The following SORCS2 variants were observed in gnomAD, a reference collection of about 807,000 sequenced individuals.
The protein encoded by SORCS2 is sortilin related VPS10 domain containing receptor 2.
SORCS2 carries 100 observed loss-of-function variants against 141.6 expected under a neutral mutation model. That is an observed-to-expected ratio of 0.71 (90% CI 0.60 to 0.83). SORCS2 has a LOEUF of 0.83. Ranked by LOEUF, SORCS2 falls within the 40% of genes least tolerant of loss-of-function variation. SORCS2 has a pLI of 0.00. For missense variants in SORCS2, 1,646 were observed against 1,560.2 expected, an observed-to-expected ratio of 1.05 and a Z score of -0.93; for synonymous variants, 789 against 676.9, an observed-to-expected ratio of 1.17 and a Z score of -2.57.
intron 1 of SORCS2, among the ~76,000 whole-genome samples, chr4:7,295,685 C>T (rs1008887430): frequency 7.2e-5 from 11 of 152,198 alleles, no homozygotes; most frequent in African/African-American, 1.7e-4. Context: ...GTGAACGGGA[C>T]GGCACTCTCA....
At chr4:7,473,803 G>C (rs1730126178) in intron 2 of SORCS2, among the ~76,000 whole-genome samples, 1 of 152,172 alleles carries the variant, frequency 6.6e-6, no homozygotes, top group Non-Finnish European at 1.5e-5. Context: ...CCGGAGGCTG[G>C]TGCAGTCACT....
At chr4:7,535,982 CG>C (rs1169132094) in intron 3 of SORCS2, among the ~76,000 whole-genome samples, 1 of 152,228 alleles carries the variant, frequency 6.6e-6, no homozygotes, top group Admixed American at 6.5e-5. Context: ...ACTAACAGGG[CG>C]GCATATGTTT....
At chr4:7,655,883 G>A (rs932753319) in intron 5 of SORCS2, among the ~76,000 whole-genome samples, 4 of 151,722 alleles carry the variant, frequency 2.6e-5, no homozygotes, top group Non-Finnish European at 4.4e-5. Flanking sequence ...GAAAGAAACC[G>A]ACCCACAGCG....
chr4:7,572,530 T>C (rs1163164643), intron 3 of SORCS2, among the ~76,000 whole-genome samples: 2 of 152,240 alleles, frequency 1.3e-5, no homozygotes, highest in Non-Finnish European at 1.5e-5. Context: ...TTTCATTCTT[T>C]GTGCTACAGC....
chr4:7,734,157 TG>T, intron 24 of SORCS2, 114 bp from the exon 25 acceptor site: 1 of 453,754 alleles, frequency 2.2e-6, no homozygotes, highest in Non-Finnish European at 3.4e-6. Context: ...GGGGACAAGC[TG>T]GGGATGGGCG....
intron 1 of SORCS2, among the ~76,000 whole-genome samples, chr4:7,394,564 C>A (rs1038560489): frequency 3.7e-5 from 4 of 108,958 alleles, no homozygotes; most frequent in Non-Finnish European, 9.2e-5. Flanking sequence ...ACGCCTTGTG[C>A]AAAGGCCCCA....
intron 2 of SORCS2, among the ~76,000 whole-genome samples, chr4:7,406,017 T>G (rs1015528989): frequency 6.6e-6 from 1 of 152,106 alleles, no homozygotes; most frequent in Admixed American, 6.5e-5. Context: ...ATTCCTTCTT[T>G]GCCTAGTTTG....
At chr4:7,705,708 C>T (rs1337224395) in intron 14 of SORCS2, among the ~76,000 whole-genome samples, 1 of 152,254 alleles carries the variant, frequency 6.6e-6, no homozygotes, top group Non-Finnish European at 1.5e-5. Context: ...GCTCATTCAC[C>T]AGTTCACACC....
chr4:7,642,021 A>T (rs1720784010), intron 4 of SORCS2, among the ~76,000 whole-genome samples: 1 of 150,974 alleles, frequency 6.6e-6, no homozygotes, highest in Non-Finnish European at 1.5e-5. Context: ...GTGGATGGAG[A>T]TGAATGGATG....
Position 7,742,663 on chromosome 4 carries a change from G to A in SORCS2, c.*2399G>A, listed in dbSNP as rs934979202. On this transcript the variant is annotated 3_prime_UTR_variant, in exon 27 of 27. Transcript: ENST00000507866. ...TGTCTGTCCCTGGTTGTAAATTCGA[G>A]GGTCTGCATATCTGATGTTCAGGTA... 5 of 152,238 alleles carry A rather than the reference G, an allele frequency of 3.3e-5. No homozygotes were observed. The highest frequency in any genetic ancestry group is 1.9e-4 in the East Asian group (1 of 5,196). 9.4% of individuals were successfully genotyped at this position (152,238 alleles called of 1,614,324 possible).
intron 2 of SORCS2, among the ~76,000 whole-genome samples, chr4:7,512,025 C>T (rs114846166): frequency 0.016 from 2,394 of 152,254 alleles, 74 homozygotes; most frequent in African/African-American, 0.055. Context: ...TCTGTTCCTG[C>T]GCAATACACA....
intron 1 of SORCS2, among the ~76,000 whole-genome samples, chr4:7,368,533 C>G (rs1439381571): frequency 6.6e-6 from 1 of 152,158 alleles, no homozygotes; most frequent in Non-Finnish European, 1.5e-5. Context: ...TGCTGGGTGC[C>G]AGGAGCTGCA....
intron 3 of SORCS2, among the ~76,000 whole-genome samples, chr4:7,553,190 A>T (rs886822154): frequency 2.0e-5 from 3 of 152,054 alleles, no homozygotes; most frequent in African/African-American, 7.3e-5. Flanking sequence ...TCCTAGTGAG[A>T]TCCAGACCAA....
intron 3 of SORCS2, among the ~76,000 whole-genome samples, chr4:7,536,861 C>T (rs1395549482): frequency 2.6e-5 from 4 of 150,996 alleles, no homozygotes; most frequent in African/African-American, 9.8e-5. Context: ...GGGCCCACCT[C>T]GAGGTCACCA....
At chr4:7,640,064 TTTA>T (rs1383127240) in intron 4 of SORCS2, among the ~76,000 whole-genome samples, 4 of 150,446 alleles carry the variant, frequency 2.7e-5, no homozygotes, top group African/African-American at 7.4e-5. Context: ...AGTGTGTGTG[TTTA>T]TGAGTGTGAA....
intron 1 of SORCS2, among the ~76,000 whole-genome samples, chr4:7,198,789 C>T (rs541645844): frequency 5.3e-5 from 8 of 152,192 alleles, no homozygotes; most frequent in African/African-American, 1.4e-4. Flanking sequence ...ATGAGGGAGC[C>T]GGGGACTCTG....
chr4:7,719,607 C>G (rs1228461597), intron 18 of SORCS2, among the ~76,000 whole-genome samples: 1 of 152,214 alleles, frequency 6.6e-6, no homozygotes, highest in Admixed American at 6.5e-5. Context: ...AGGGGCAGCC[C>G]TGGGGCGCCT....
chr4:7,436,475 C>G (rs1727307209), intron 2 of SORCS2, among the ~76,000 whole-genome samples: 2 of 152,244 alleles, frequency 1.3e-5, no homozygotes, highest in South Asian at 4.1e-4. Flanking sequence ...GAGACCCCAC[C>G]CCCACGGCGC....
At chr4:7,578,799 TG>T (rs1715944283) in intron 3 of SORCS2, among the ~76,000 whole-genome samples, 1 of 152,230 alleles carries the variant, frequency 6.6e-6, no homozygotes, top group Non-Finnish European at 1.5e-5. Flanking sequence ...GATTTGATCT[TG>T]TGGTTTCTCC....
Sources: allele counts gnomAD v4.1 joint callset (sites outside exome capture counted in the v4.1 genomes callset), GRCh38; gene constraint gnomAD v4.1.1; transcripts MANE v1.5; gene names NCBI Gene and HGNC (gene_info 2026-07-23, HGNC 2026-07-21).